TCEA2: variants seen among roughly 807,000 people sequenced by gnomAD.
TCEA2 encodes the protein transcription elongation factor A protein 2.
TCEA2 carries 21 observed loss-of-function variants against 40.8 expected under a neutral mutation model. The ratio of observed to expected loss-of-function variants is 0.51; its 90% CI spans 0.36 to 0.74. The LOEUF (loss-of-function observed/expected upper bound fraction) is 0.74. Among genes scored for constraint, TCEA2 ranks in the 30% least tolerant of loss-of-function variants. The pLI is 0.00. For missense variants in TCEA2, 326 were observed against 426.5 expected, an observed-to-expected ratio of 0.76 and a Z score of 2.08; for synonymous variants, 165 against 162.7, an observed-to-expected ratio of 1.01 and a Z score of -0.11.
rs370548032 is a variant in TCEA2 at position 64,072,160 on chromosome 20, C to G, written c.892-12C>G. ...GGCCACAAGGCTGGAGGCCTCACCC[C>G]CTTTCTCGCAGTTCTGCTGACCCCT... is the stretch of plus-strand genomic sequence containing the variant. On this transcript the variant is annotated splice_polypyrimidine_tract_variant and intron_variant, in intron 9 of 9. Transcript: ENST00000343484. 2.5e-6 allele frequency: 4 copies of G among 1,613,616 alleles called. No homozygotes were observed. Among genetic ancestry groups the G allele is most frequent in the Admixed American group, 1.7e-5 (1 of 59,978 alleles).
At chr20:64,070,745 C>G in intron 8 of TCEA2, 110 bp downstream of exon 8, 1 of 1,410,850 alleles carries the variant, frequency 7.1e-7, no homozygotes. Context: ...TTTCCCGAGC[C>G]TCTCAGTCCC....
Position 64,071,854 on chromosome 20 carries a change from C to T in TCEA2, c.820-16C>T. ...AGCATGGAGGTGACCCTGGGTTCAC[C>T]CAGCCCTGTTCACAGGTGCAGACCC... On this transcript the variant is annotated splice_polypyrimidine_tract_variant and intron_variant, in intron 8 of 9. Transcript: ENST00000343484. 1.2e-6 allele frequency: 2 copies of T among 1,613,708 alleles called. No individual in the cohort carries two copies. The highest frequency in any genetic ancestry group is 1.7e-6 in the Non-Finnish European group (2 of 1,179,916).
At chr20:64,071,757 C>A in intron 8 of TCEA2, 113 bp from the exon 9 acceptor site, 1 of 1,279,236 alleles carries the variant, frequency 7.8e-7, no homozygotes, top group Non-Finnish European at 1.1e-6. Context: ...GGCCTCGGAT[C>A]AGGTCACCTG....
At chr20:64,067,841 A>G (rs570796265) in intron 3 of TCEA2, among the ~76,000 whole-genome samples, 1 of 152,222 alleles carries the variant, frequency 6.6e-6, no homozygotes, top group African/African-American at 2.4e-5. Context: ...GCAGAGATGG[A>G]CAGGTTGCTG....
chr20:64,057,269 C>A (rs1227726766), upstream of TCEA2: 2 of 152,284 alleles, frequency 1.3e-5, no homozygotes, highest in African/African-American at 4.8e-5. Flanking sequence ...ACCCTTCAGG[C>A]TACGTGCATT....
upstream of TCEA2, among the ~76,000 whole-genome samples, chr20:64,056,602 T>A (rs912278332): frequency 1.3e-5 from 2 of 151,912 alleles, no homozygotes; most frequent in African/African-American, 4.8e-5. Context: ...GGGGGCTCCG[T>A]GTGAGTTTGG....
Position 64,066,556 on chromosome 20 carries a change from C to G in TCEA2, c.135+18C>G. 2 of 1,612,488 alleles carry G rather than the reference C, an allele frequency of 1.2e-6. No homozygotes were observed. The highest frequency in any genetic ancestry group is 1.7e-6 in the Non-Finnish European group (2 of 1,179,136). On this transcript the variant is annotated intron_variant, in intron 2 of 9. Transcript: ENST00000343484. ...TGCTCCAGGTAGGTCCCTGCCTGCC[C>G]CAGGTCCAGGACAGCTCCTGGGTGC...
At chr20:64,069,732 G>A in intron 5 of TCEA2, 33 bp from the exon 6 acceptor site, 2 of 1,599,102 alleles carry the variant, frequency 1.3e-6, no homozygotes, top group African/African-American at 1.3e-5. Flanking sequence ...GGAGAAACCA[G>A]TGGGGGAAGC....
chr20:64,058,074 T>C lies in TCEA2; in HGVS notation c.-84+423T>C, dbSNP rs993476378. On this transcript the variant is annotated intron_variant, in intron 1 of 10. Coordinates refer to the TCEA2 transcript ENST00000361317. This position sits in a 1 kb window ranked among gnomAD's most constrained non-coding sequence, Gnocchi z 6.7. Reference sequence around the variant, plus strand: ...TGGGCCTACACCTCTCCGCCTGCAGTAGTTGCTTCCACGCAGGACTAGAGC... The same window carrying C: ...TGGGCCTACACCTCTCCGCCTGCAGCAGTTGCTTCCACGCAGGACTAGAGC... 6.6e-6 allele frequency among the ~76,000 whole-genome samples: 1 copy of C among 152,150 alleles called. No individual in the cohort carries two copies. The highest frequency in any genetic ancestry group is 2.4e-5 in the African/African-American group (1 of 41,448).
In TCEA2 at chr20:64,069,440, G is replaced by A; in HGVS notation, c.409G>A (p.Ala137Thr). ...TCCTCCGGTGCCTGTCACCTGTGAT[G>A]CCGTGCGCAACAAGTGCCGCGAGAT... ...TFPPVPVTCD[A>T]VRNKCREMLT... Residue 137 changes from alanine to threonine, a missense_variant, in exon 5 of 10, where the codon GCC (alanine) becomes ACC (threonine). Ala to Thr is a moderately conservative substitution (Grantham distance 58). Transcript: ENST00000343484. The A allele has an allele frequency of 6.2e-7, 1 of 1,613,442 alleles. No individual in the cohort carries two copies. The highest frequency in any genetic ancestry group is 1.3e-5 in the African/African-American group (1 of 75,064).
chr20:64,063,426 G>A (rs1024001908), intron 1 of TCEA2, 42 bp downstream of exon 1: 4 of 1,536,828 alleles, frequency 2.6e-6, no homozygotes, highest in Admixed American at 4.0e-5. Flanking sequence ...ACCCCGCCCC[G>A]CCGAGACCCC....
intron 3 of TCEA2, 75 bp from the exon 4 acceptor site, chr20:64,067,972 T>G: frequency 8.6e-7 from 1 of 1,168,936 alleles, no homozygotes; most frequent in Non-Finnish European, 1.2e-6. Context: ...GGGCTGAGGC[T>G]GTACCTTGGT....
At chr20:64,056,600 C>T (rs777855435), upstream of TCEA2, among the ~76,000 whole-genome samples, 4 of 152,088 alleles carry the variant, frequency 2.6e-5, no homozygotes, top group South Asian at 2.1e-4. Context: ...AGGGGGGCTC[C>T]GTGTGAGTTT....
At chr20:64,062,237 C>T (rs535716297), upstream of TCEA2, among the ~76,000 whole-genome samples, 5 of 152,326 alleles carry the variant, frequency 3.3e-5, no homozygotes, top group East Asian at 1.9e-4. Context: ...TCCAGGAAAC[C>T]ACCCAGCATC....
chr20:64,072,338 C>A lies in TCEA2; in HGVS notation c.*158C>A. On this transcript the variant is annotated 3_prime_UTR_variant, in exon 10 of 10. Coordinates refer to ENST00000343484, the MANE Select transcript of TCEA2 (RefSeq NM_003195.6). ...CTTTCCCCCTCATTATTAAATGTTT[C>A]TTTTTGCCATCTTGTTCTCCTCAGC... 1.2e-6 allele frequency: 1 copy of A among 844,988 alleles called. No homozygotes were observed. 52.3% of individuals were successfully genotyped at this position (844,988 alleles called of 1,614,324 possible).
Position 64,070,520 on chromosome 20 carries a change from G to A in TCEA2, c.704G>A (p.Arg235His), listed in dbSNP as rs973640421. The change falls in exon 8 of 10, where the codon CGT becomes CAT. Residue 235 changes from arginine (R) to histidine (H), a missense_variant. Arg to His is a conservative substitution (Grantham distance 29). Coordinates refer to ENST00000343484, the MANE Select transcript of TCEA2 (RefSeq NM_003195.6). ...EMASDELKEI[R>H]KAMTKEAIRE... ...GCCAGTGATGAGCTGAAGGAGATCC[G>A]TAAGGCCATGACCAAGGAGGCCATC... 8.7e-6 allele frequency: 14 copies of A among 1,613,844 alleles called. No homozygotes were observed. Among genetic ancestry groups the A allele is most frequent in the South Asian group, 1.1e-5 (1 of 91,090 alleles).
rs903625490 is a variant in TCEA2 at position 64,066,408 on chromosome 20, G to A, written c.73-68G>A. 3.2e-6 allele frequency: 5 copies of A among 1,561,480 alleles called. No homozygotes were observed. The African/African-American group carries it at 6.8e-5, about 21-fold the overall frequency. The stretch of plus-strand genomic sequence containing the variant: ...CACTGCCTTGTGTTCTCCTCCAGTA[G>A]GCAGAAGGAGGTGATATTGTCTGTT... On this transcript the variant is annotated intron_variant, in intron 1 of 9. Coordinates refer to ENST00000343484, the MANE Select transcript of TCEA2 (RefSeq NM_003195.6).
At chr20:64,070,153 C>G (rs1314253770) in intron 6 of TCEA2, 107 bp from the exon 7 acceptor site, 2 of 1,522,134 alleles carry the variant, frequency 1.3e-6, no homozygotes, top group Non-Finnish European at 1.8e-6. Flanking sequence ...CCCTGTGTGG[C>G]TGGGCAGAAC....
chr20:64,069,953 G>T, intron 6 of TCEA2, 132 bp downstream of exon 6: 1 of 1,177,230 alleles, frequency 8.5e-7, no homozygotes, highest in Non-Finnish European at 1.2e-6. Context: ...GTGGTCACCT[G>T]CCTGGGTGGT....
Sources: allele counts gnomAD v4.1 joint callset (sites outside exome capture counted in the v4.1 genomes callset), GRCh38; gene constraint gnomAD v4.1.1; non-coding constraint Gnocchi (gnomAD v3.1); transcripts MANE v1.5; gene names NCBI Gene and HGNC (gene_info 2026-07-23, HGNC 2026-07-21).